ERC1: variants seen among roughly 807,000 people sequenced by gnomAD.
The protein encoded by ERC1 is ELKS/RAB6-interacting/CAST family member 1.
A neutral mutation model predicts 132.0 loss-of-function variants in ERC1; 56 were observed. The observed-to-expected ratio is 0.42, with a 90% CI of 0.34 to 0.53. The LOEUF is 0.53. Among genes scored for constraint, ERC1 ranks in the 20% least tolerant of loss-of-function variants. ERC1 has a pLI of 0.03. For synonymous variants in ERC1, 478 were observed against 476.1 expected (o/e 1.00, Z -0.05); for missense variants, 1,202 against 1,349.9 (o/e 0.89, Z 1.72).
chr12:1,005,180 T>C (rs7955303), intron 1 of ERC1, among the ~76,000 whole-genome samples: 143,645 of 152,204 alleles, frequency 0.94, 68,329 homozygotes, highest in East Asian at 1. Flanking sequence ...CACCTGGGGT[T>C]TCACTCTGTC....
chr12:1,489,787 C>T (rs2094298415), intron 18 of ERC1, among the ~76,000 whole-genome samples: 1 of 152,172 alleles, frequency 6.6e-6, no homozygotes, highest in Admixed American at 6.5e-5. Flanking sequence ...CTCTCCTGCT[C>T]TCATGCACGT....
intron 13 of ERC1, among the ~76,000 whole-genome samples, chr12:1,251,632 AT>A (rs1319770080): frequency 6.6e-6 from 1 of 152,184 alleles, no homozygotes; most frequent in Non-Finnish European, 1.5e-5. Context: ...AAAAACTCCT[AT>A]CTCAAACTGG....
intron 17 of ERC1, among the ~76,000 whole-genome samples, chr12:1,419,854 GA>G (rs976756546): frequency 1.2e-4 from 9 of 76,522 alleles, no homozygotes; most frequent in African/African-American, 3.7e-4. Context: ...AAGTAATGGT[GA>G]TTTTCTGGCA....
intron 1 of ERC1, among the ~76,000 whole-genome samples, chr12:1,016,840 G>A (rs1324869071): frequency 6.6e-6 from 1 of 151,528 alleles, no homozygotes; most frequent in African/African-American, 2.4e-5. Context: ...TAGTAGAGAT[G>A]GGGCTTCACC....
chr12:1,250,038 TTCTGATTCTGATCTGA>T (rs2076379582), intron 13 of ERC1, among the ~76,000 whole-genome samples: 1 of 152,086 alleles, frequency 6.6e-6, no homozygotes, highest in Non-Finnish European at 1.5e-5. Context: ...AAAATTCAGA[TTCTGATTCTGATCTGA>T]TCTGATTCAG....
At chr12:993,699 C>T (rs766364995) in intron 1 of ERC1, among the ~76,000 whole-genome samples, 3 of 152,002 alleles carry the variant, frequency 2.0e-5, no homozygotes, top group African/African-American at 7.3e-5. Flanking sequence ...GTCAGGAGTT[C>T]GAGACTAGCC....
rs376083454 is a variant in ERC1 at position 1,458,711 on chromosome 12, T to C, written c.3213+13961T>C. Among the ~76,000 whole-genome samples the C allele has an allele frequency of 7.9e-5, 12 of 152,264 alleles. No individual in the cohort carries two copies. The South Asian group carries it at 2.5e-3, about 32-fold the overall frequency. On this transcript the variant is annotated intron_variant, in intron 18 of 18. Transcript: ENST00000360905. Reference sequence around the variant, plus strand: ...GCGCCACCATGCCCGGCTAATTTTGTATTTTTAGTAGAGACAGGGTTCCTC... The same window carrying C: ...GCGCCACCATGCCCGGCTAATTTTGCATTTTTAGTAGAGACAGGGTTCCTC...
chr12:1,027,220 A>G (rs1967040229), intron 1 of ERC1, among the ~76,000 whole-genome samples: 1 of 152,210 alleles, frequency 6.6e-6, no homozygotes, highest in Non-Finnish European at 1.5e-5. Flanking sequence ...TGATGTATAC[A>G]TTGATACTTA....
intron 3 of ERC1, among the ~76,000 whole-genome samples, chr12:1,092,880 C>G (rs1164127036): frequency 6.6e-6 from 1 of 152,152 alleles, no homozygotes; most frequent in African/African-American, 2.4e-5. Flanking sequence ...GTAATTGCTT[C>G]AACCCAGGAG....
intron 18 of ERC1, among the ~76,000 whole-genome samples, chr12:1,481,493 C>G (rs1333583636): frequency 1.3e-5 from 2 of 152,194 alleles, no homozygotes; most frequent in African/African-American, 4.8e-5. Context: ...CCTTGAGATT[C>G]TTTCAAGCCA....
At chr12:1,259,520 C>G (rs983918565) in intron 13 of ERC1, among the ~76,000 whole-genome samples, 1 of 113,908 alleles carries the variant, frequency 8.8e-6, no homozygotes, top group Non-Finnish European at 1.8e-5. Context: ...TTCTTTCTTT[C>G]TTTTTTTTTT....
rs755875401 is a variant in ERC1, at chr12:1,183,466, A to G, written c.2157+45A>G. On this transcript the variant is annotated intron_variant, in intron 11 of 18. Coordinates refer to ENST00000360905, the MANE Select transcript of ERC1 (RefSeq NM_178040.4). ...ATTTTTTTGCTTTGCCTTAAATAAG[A>G]ACATAGTAGATAACCTTAGCATGTT... 10 of 1,386,258 alleles carry G rather than the reference A, an allele frequency of 7.2e-6. No homozygotes were observed. In the South Asian group the frequency reaches 1.1e-4, roughly 16 times the overall value. 85.9% of individuals were successfully genotyped at this position (1,386,258 alleles called of 1,614,324 possible).
chr12:1,463,314 C>G (rs975761336), intron 18 of ERC1, among the ~76,000 whole-genome samples: 2 of 152,164 alleles, frequency 1.3e-5, no homozygotes, highest in African/African-American at 4.8e-5. Flanking sequence ...ATTTTTCCCT[C>G]CTGAACGCGC....
At chr12:1,079,311 A>T (rs61918748) in intron 2 of ERC1, among the ~76,000 whole-genome samples, 30,510 of 144,030 alleles carry the variant, frequency 0.21, 3,844 homozygotes, top group Non-Finnish European at 0.25. Flanking sequence ...ATACAGATAG[A>T]AATGATTTGT....
intron 18 of ERC1, among the ~76,000 whole-genome samples, chr12:1,473,955 C>G (rs957322019): frequency 6.6e-6 from 1 of 152,204 alleles, no homozygotes; most frequent in South Asian, 2.1e-4. Context: ...CCAGATCCCT[C>G]TGACTGTGTA....
chr12:1,422,922 C>T (rs2092480516), intron 17 of ERC1, among the ~76,000 whole-genome samples: 1 of 152,112 alleles, frequency 6.6e-6, no homozygotes, highest in South Asian at 2.1e-4. Context: ...GATGGTATCT[C>T]ATGGTTTGCA....
At chr12:1,143,329 CGTGTGTGTGTGTGTGTGTGTGT>C (rs4017792) in intron 8 of ERC1, among the ~76,000 whole-genome samples, 100 of 128,968 alleles carry the variant, frequency 7.8e-4, no homozygotes, top group African/African-American at 1.7e-3. Context: ...GCTTTTGACT[CGTGTGTGTGTGTGTGTGTGTGT>C]GTGTGTGTGT....
intron 16 of ERC1, among the ~76,000 whole-genome samples, chr12:1,377,829 G>T (rs1186192130): frequency 4.6e-5 from 7 of 152,104 alleles, no homozygotes; most frequent in Non-Finnish European, 8.8e-5. Flanking sequence ...TCATTATTTG[G>T]ACTAAAATTT....
In ERC1 at chr12:1,142,448, A is replaced by G. The variant is rs76088115; in HGVS notation, c.1737+661A>G. ...TGATTAATAGTAAAAAATGTTGTAC[A>G]TGTTTAGTTTATACATATGTCAAGT... On this transcript the variant is annotated intron_variant, in intron 8 of 18. Coordinates refer to ENST00000360905, the MANE Select transcript of ERC1 (RefSeq NM_178040.4). Among the ~76,000 whole-genome samples, 1,417 of 152,336 alleles carry G rather than the reference A, an allele frequency of 9.3e-3. 19 individuals are homozygous for G. The highest frequency in any genetic ancestry group is 0.032 in the African/African-American group (1,320 of 41,580).
Sources: gnomAD v4.1 joint callset for allele counts (sites outside exome capture counted in the v4.1 genomes callset) on GRCh38, gnomAD v4.1.1 for gene constraint, MANE v1.5 for transcripts, NCBI Gene and HGNC (gene_info 2026-07-23, HGNC 2026-07-21) for gene names.